Variants in UBE2K observed in about 807,000 individuals in gnomAD.
UBE2K encodes the protein ubiquitin-conjugating enzyme E2 K.
In UBE2K, 6 loss-of-function variants were observed where a neutral mutation model predicts 30.0. That is an observed-to-expected ratio of 0.20 (90% CI 0.11 to 0.39). UBE2K has a LOEUF of 0.39. Among genes scored for constraint, UBE2K ranks in the 10% least tolerant of loss-of-function variants. The pLI is 1.00. For synonymous variants in UBE2K, 86 were observed against 83.7 expected, an observed-to-expected ratio of 1.03 and a Z score of -0.15; for missense variants, 61 against 241.6, an observed-to-expected ratio of 0.25 and a Z score of 4.96.
intron 1 of UBE2K, 23 bp from the exon 2 acceptor site, chr4:39,737,396 AT>A: frequency 6.9e-7 from 1 of 1,454,730 alleles, no homozygotes; most frequent in African/African-American, 1.5e-5. Flanking sequence ...CATAACTAAC[AT>A]TTATTTTCTG....
chr4:39,709,708 C>G (rs1337017672), intron 1 of UBE2K, among the ~76,000 whole-genome samples: 2 of 152,034 alleles, frequency 1.3e-5, no homozygotes, highest in Non-Finnish European at 2.9e-5. Flanking sequence ...TATATGTGGG[C>G]TCTGTTCTCC....
At chr4:39,745,522 G>T (rs1273398160) in intron 2 of UBE2K, among the ~76,000 whole-genome samples, 1 of 152,112 alleles carries the variant, frequency 6.6e-6, no homozygotes, top group African/African-American at 2.4e-5. Context: ...CTCTGGCCTT[G>T]TTACTCACTG....
At chr4:39,699,385 A>G (rs953121978) in intron 1 of UBE2K, among the ~76,000 whole-genome samples, 3 of 152,146 alleles carry the variant, frequency 2.0e-5, no homozygotes, top group Non-Finnish European at 4.4e-5. Flanking sequence ...CTCCTTATTG[A>G]GATTTATCAC....
chr4:39,769,225 T>G (rs1712571892), intron 4 of UBE2K, among the ~76,000 whole-genome samples: 1 of 151,680 alleles, frequency 6.6e-6, no homozygotes, highest in African/African-American at 2.4e-5. Flanking sequence ...TTTTTTTTTT[T>G]TTTCGTTTTG....
At chr4:39,712,618 C>T (rs564837845) in intron 1 of UBE2K, among the ~76,000 whole-genome samples, 7 of 152,034 alleles carry the variant, frequency 4.6e-5, no homozygotes, top group Admixed American at 4.6e-4. Flanking sequence ...GACAGAGTTT[C>T]ACCATGTTGG....
intron 1 of UBE2K, among the ~76,000 whole-genome samples, chr4:39,726,555 G>T (rs888516778): frequency 1.8e-4 from 27 of 152,170 alleles, no homozygotes; most frequent in Admixed American, 6.5e-4. Context: ...CATGTGGCTA[G>T]TTTGTCTGTC....
At chr4:39,716,285 A>C (rs1432267392) in intron 1 of UBE2K, among the ~76,000 whole-genome samples, 1 of 140,904 alleles carries the variant, frequency 7.1e-6, no homozygotes, top group Non-Finnish European at 1.6e-5. Context: ...TCTATCTATC[A>C]TCCAGGCTGG....
At chr4:39,765,249 C>T (rs1031554162) in intron 4 of UBE2K, among the ~76,000 whole-genome samples, 5 of 152,036 alleles carry the variant, frequency 3.3e-5, no homozygotes, top group African/African-American at 9.7e-5. Context: ...GGCCAGGCAT[C>T]GTGGCTCATG....
At chr4:39,777,858 A>C (rs773184074) in intron 6 of UBE2K, 48 bp downstream of exon 6, 1 of 1,359,256 alleles carries the variant, frequency 7.4e-7, no homozygotes, top group African/African-American at 1.5e-5. Flanking sequence ...TTGATTTTAA[A>C]TTATTGCAAA....
intron 4 of UBE2K, chr4:39,770,779 G>A: frequency 1.9e-6 from 3 of 1,580,438 alleles, no homozygotes; most frequent in South Asian, 2.3e-5. Flanking sequence ...GGCTTGAGCC[G>A]GTGTGCGATG....
intron 2 of UBE2K, among the ~76,000 whole-genome samples, chr4:39,745,129 G>A (rs1720926255): frequency 6.6e-6 from 1 of 152,138 alleles, no homozygotes; most frequent in African/African-American, 2.4e-5. Context: ...GCCTCCCAAA[G>A]TGTTGGGATT....
chr4:39,721,400 C>T (rs965246998), intron 1 of UBE2K, among the ~76,000 whole-genome samples: 1 of 152,184 alleles, frequency 6.6e-6, no homozygotes, highest in African/African-American at 2.4e-5. Context: ...GTCACCCAGG[C>T]TGGAGTGCAG....
chr4:39,741,276 A>T (rs1159408777), intron 2 of UBE2K, among the ~76,000 whole-genome samples: 1 of 152,216 alleles, frequency 6.6e-6, no homozygotes, highest in East Asian at 1.9e-4. Flanking sequence ...ATCTCAAAAA[A>T]AAAAAGTGCT....
intron 5 of UBE2K, among the ~76,000 whole-genome samples, chr4:39,776,770 T>G (rs1713306325): frequency 6.6e-6 from 1 of 152,164 alleles, no homozygotes; most frequent in Admixed American, 6.5e-5. Flanking sequence ...CAATTAGGGT[T>G]TTCCATGTTT....
rs1560343619 is a variant in UBE2K at position 39,714,531 on chromosome 4, TATATATA to T, written c.63+16142_63+16148del. 11 of 31,326 alleles carry T rather than the reference TATATATA, an allele frequency of 3.5e-4. No homozygotes were observed. In the East Asian group the frequency reaches 0.011, roughly 30 times the overall value. The allele number at this position is 31,326 out of a possible 1,614,324, so 1.9% of individuals were successfully genotyped here. Reference sequence around the variant, plus strand: ...TTTAGAAGTTTCATATATATATATATATATATATATATATATATATTTTTTTTTTTTT... The same window carrying T: ...TTTAGAAGTTTCATATATATATATATTATATATATATATTTTTTTTTTTTT... On this transcript the variant is annotated intron_variant, in intron 1 of 6. Transcript: ENST00000261427.
intron 1 of UBE2K, among the ~76,000 whole-genome samples, chr4:39,721,058 CTT>C (rs921227529): frequency 6.6e-6 from 1 of 152,062 alleles, no homozygotes; most frequent in African/African-American, 2.4e-5. Context: ...TTCTGTTTTT[CTT>C]TTTTTCTTTT....
intron 1 of UBE2K, among the ~76,000 whole-genome samples, chr4:39,701,672 AAC>A (rs1718019675): frequency 6.6e-6 from 1 of 152,162 alleles, no homozygotes; most frequent in African/African-American, 2.4e-5. Context: ...AAAGGATTTA[AAC>A]ACAGTTTAAT....
At chr4:39,769,918 C>T (rs1165016350) in intron 4 of UBE2K, among the ~76,000 whole-genome samples, 2 of 152,160 alleles carry the variant, frequency 1.3e-5, no homozygotes, top group South Asian at 2.1e-4. Flanking sequence ...ACAGTCTTCT[C>T]TCCAAGGAAT....
At chr4:39,745,712 T>C in intron 2 of UBE2K, 40 bp from the exon 3 acceptor site, 1 of 1,355,586 alleles carries the variant, frequency 7.4e-7, no homozygotes, top group Non-Finnish European at 1.0e-6. Flanking sequence ...TATATTTGAA[T>C]TGAGCAGCAT....
Sources: allele counts gnomAD v4.1 joint callset (sites outside exome capture counted in the v4.1 genomes callset), GRCh38; gene constraint gnomAD v4.1.1; transcripts MANE v1.5; gene names NCBI Gene and HGNC (gene_info 2026-07-23, HGNC 2026-07-21).